Variants in LEF1 observed in about 807,000 individuals in gnomAD.
LEF1 encodes the protein lymphoid enhancer binding factor 1.
In LEF1, 14 loss-of-function variants were observed where a neutral mutation model predicts 51.2. The ratio of observed to expected loss-of-function variants is 0.27; its 90% CI spans 0.18 to 0.43. The LOEUF is 0.43. LEF1 is among the 20% of genes least tolerant of loss of function. LEF1 has a pLI of 1.00. For synonymous variants in LEF1, 185 were observed against 183.2 expected (o/e 1.01, Z -0.08); for missense variants, 386 against 512.0 (o/e 0.75, Z 2.37).
At position 108,144,865 on chromosome 4, in the gene LEF1, CA is replaced by C. The variant is rs11394687; in HGVS notation, c.414+18702del. On this transcript the variant is annotated intron_variant, in intron 3 of 11. Coordinates refer to ENST00000265165, the MANE Select transcript of LEF1 (RefSeq NM_016269.5). ...ACAGCAAAGAATTGACCCAACCAGC[CA>C]AAAAAAAAAAAAAAAAAAAAAAAGA... is the stretch of plus-strand genomic sequence containing the variant. Among the ~76,000 whole-genome samples, 150 of 41,910 alleles carry C rather than the reference CA, an allele frequency of 3.6e-3. 1 individual carries two copies. The highest frequency in any genetic ancestry group is 0.014 in the African/African-American group (146 of 10,078). The allele number at this position is 41,910 out of a possible 152,430, so 27.5% of individuals were successfully genotyped here.
At chr4:108,060,506 CTG>C (rs1737609491) in intron 11 of LEF1, among the ~76,000 whole-genome samples, 2 of 152,198 alleles carry the variant, frequency 1.3e-5, no homozygotes, top group South Asian at 4.1e-4. Context: ...ACCTGGGAGA[CTG>C]GGTGGCCTCA....
intron 3 of LEF1, among the ~76,000 whole-genome samples, chr4:108,118,995 A>G (rs1197385755): frequency 6.6e-6 from 1 of 151,766 alleles, no homozygotes; most frequent in African/African-American, 2.4e-5. Flanking sequence ...TTGTGAGGGA[A>G]CTATACCGCA....
chr4:108,064,306 G>A, intron 10 of LEF1, 30 bp downstream of exon 10: 1 of 1,558,900 alleles, frequency 6.4e-7, no homozygotes, highest in Non-Finnish European at 8.8e-7. Context: ...AGAAGCCTGA[G>A]GATTGACTGG....
Position 108,077,290 on chromosome 4 carries a change from C to G in LEF1, c.1008+930G>C, listed in dbSNP as rs914720768. ...GTGAGGAGTGCCTCTGCCTGGCCGC[C>G]CAACTGACTGGGAAGTGAGGAACCC... On this transcript the variant is annotated intron_variant, in intron 8 of 11. Transcript: ENST00000265165. Among the ~76,000 whole-genome samples, 4 of 151,880 alleles carry G rather than the reference C, an allele frequency of 2.6e-5. No homozygotes were observed. The East Asian group carries it at 7.8e-4, about 30-fold the overall frequency.
intron 3 of LEF1, among the ~76,000 whole-genome samples, chr4:108,124,481 T>G (rs756858377): frequency 1.1e-4 from 17 of 152,032 alleles, no homozygotes; most frequent in Non-Finnish European, 2.5e-4. Context: ...GTGATTCTCC[T>G]GCCTCAGCCT....
chr4:108,116,846 T>A (rs573187283), intron 3 of LEF1, among the ~76,000 whole-genome samples: 1 of 152,298 alleles, frequency 6.6e-6, no homozygotes, highest in Admixed American at 6.5e-5. Context: ...GTGGAGAGGA[T>A]TCAATAAGTT....
rs147334750 is a variant in LEF1, at chr4:108,122,527, G to T, written c.415-33270C>A. ...GAGTCTCACTTTGTCACCCAGGCTG[G>T]AGTGCAGTGGTTCACTGCAGCCTCA... On this transcript the variant is annotated intron_variant, in intron 3 of 11. Transcript: ENST00000265165. Among the ~76,000 whole-genome samples, 1,026 of 152,182 alleles carry T rather than the reference G, an allele frequency of 6.7e-3. 11 individuals are homozygous for T. Among genetic ancestry groups the T allele is most frequent in the African/African-American group, 0.024 (976 of 41,508 alleles).
At chr4:108,073,366 T>C (rs1738623274) in intron 8 of LEF1, among the ~76,000 whole-genome samples, 1 of 152,068 alleles carries the variant, frequency 6.6e-6, no homozygotes, top group African/African-American at 2.4e-5. Context: ...GCCTGGGTGA[T>C]AGAGCAAGAC....
At chr4:108,136,673 T>C (rs1743286720) in intron 3 of LEF1, among the ~76,000 whole-genome samples, 1 of 152,268 alleles carries the variant, frequency 6.6e-6, no homozygotes, top group Non-Finnish European at 1.5e-5. Context: ...TTACGGTGAC[T>C]GAATAGTTAA....
At chr4:108,132,688 G>T (rs1458471141) in intron 3 of LEF1, among the ~76,000 whole-genome samples, 1 of 8,092 alleles carries the variant, frequency 1.2e-4, no homozygotes, top group African/African-American at 1.9e-4. Context: ...TTTTTTTTGA[G>T]GCAGGGTCTT....
At chr4:108,145,272 A>C (rs1743930297) in intron 3 of LEF1, among the ~76,000 whole-genome samples, 2 of 152,244 alleles carry the variant, frequency 1.3e-5, no homozygotes, top group African/African-American at 4.8e-5. Context: ...AAACAGCAAG[A>C]AAATGGCAAA....
At chr4:108,101,840 C>T (rs2110295412) in intron 3 of LEF1, among the ~76,000 whole-genome samples, 1 of 152,252 alleles carries the variant, frequency 6.6e-6, no homozygotes. Flanking sequence ...GTAGGTGGAT[C>T]ACCTGAGGTC....
At chr4:108,131,627 T>C (rs946350573) in intron 3 of LEF1, among the ~76,000 whole-genome samples, 1 of 152,164 alleles carries the variant, frequency 6.6e-6, no homozygotes, top group Non-Finnish European at 1.5e-5. Flanking sequence ...ATGCCTGTGT[T>C]TTTGAGTAGT....
chr4:108,126,109 C>T (rs1157805366), intron 3 of LEF1, among the ~76,000 whole-genome samples: 1 of 152,126 alleles, frequency 6.6e-6, no homozygotes, highest in Non-Finnish European at 1.5e-5. Context: ...AAACTCTCTT[C>T]CATTTTCCAC....
chr4:108,081,158 C>T (rs192864029), intron 6 of LEF1, among the ~76,000 whole-genome samples: 140 of 152,236 alleles, frequency 9.2e-4, no homozygotes, highest in Non-Finnish European at 1.4e-3. Context: ...CAAACACTGC[C>T]GCATCAAACT....
At chr4:108,158,598 T>C (rs1341609978) in intron 3 of LEF1, among the ~76,000 whole-genome samples, 1 of 152,112 alleles carries the variant, frequency 6.6e-6, no homozygotes, top group African/African-American at 2.4e-5. Context: ...AAATCAGCTT[T>C]ATAAAATTCC....
At chr4:108,085,550 A>G (rs1258451911) in intron 4 of LEF1, among the ~76,000 whole-genome samples, 1 of 152,070 alleles carries the variant, frequency 6.6e-6, no homozygotes, top group Non-Finnish European at 1.5e-5. Flanking sequence ...TCTCCGTACT[A>G]CTCCATGTTC....
intron 3 of LEF1, among the ~76,000 whole-genome samples, chr4:108,112,841 G>GCCTT (rs557543081): frequency 4.6e-5 from 7 of 152,290 alleles, no homozygotes; most frequent in African/African-American, 1.7e-4. Context: ...TAGAGAAACA[G>GCCTT]CCTTCTCAGA....
At chr4:108,142,426 C>T (rs1255312573) in intron 3 of LEF1, among the ~76,000 whole-genome samples, 1 of 152,122 alleles carries the variant, frequency 6.6e-6, no homozygotes, top group Non-Finnish European at 1.5e-5. Context: ...AACCTAATGC[C>T]ACCAAAAGAG....
Sources: gnomAD v4.1 joint callset for allele counts (sites outside exome capture counted in the v4.1 genomes callset) on GRCh38, gnomAD v4.1.1 for gene constraint, MANE v1.5 for transcripts, NCBI Gene and HGNC (gene_info 2026-07-23, HGNC 2026-07-21) for gene names.